TLL1: variants seen among roughly 807,000 people sequenced by gnomAD.
TLL1 encodes tolloid like 1.
TLL1 carries 49 observed loss-of-function variants against 128.2 expected under a neutral mutation model. The ratio of observed to expected loss-of-function variants is 0.38; its 90% CI spans 0.30 to 0.48. The LOEUF (loss-of-function observed/expected upper bound fraction) is 0.48, where lower values mean the gene tolerates loss of function less well. Among genes scored for constraint, TLL1 ranks in the 20% least tolerant of loss-of-function variants. The pLI is 0.96. For missense variants in TLL1, 1,123 were observed against 1,242.0 expected, an observed-to-expected ratio of 0.90 and a Z score of 1.44; for synonymous variants, 454 against 418.8, an observed-to-expected ratio of 1.08 and a Z score of -1.03.
intron 10 of TLL1, among the ~76,000 whole-genome samples, chr4:166,041,370 G>A (rs1739233786): frequency 2.0e-5 from 3 of 148,836 alleles, no homozygotes; most frequent in African/African-American, 7.4e-5. Flanking sequence ...GTGCCATCTC[G>A]GCTCACTGCA....
intron 12 of TLL1, among the ~76,000 whole-genome samples, chr4:166,052,694 C>T (rs903451104): frequency 7.9e-5 from 12 of 152,064 alleles, no homozygotes; most frequent in East Asian, 1.9e-4. Flanking sequence ...CTTTCTCCCC[C>T]TCTTCCAATA....
At chr4:165,954,723 A>G (rs1734694864) in intron 1 of TLL1, among the ~76,000 whole-genome samples, 1 of 152,128 alleles carries the variant, frequency 6.6e-6, no homozygotes, top group East Asian at 1.9e-4. Context: ...AGCACCCAGA[A>G]ACAAAGGTAA....
intron 12 of TLL1, among the ~76,000 whole-genome samples, chr4:166,046,248 G>C (rs1054033422): frequency 3.3e-5 from 5 of 152,164 alleles, no homozygotes; most frequent in Admixed American, 3.3e-4. Flanking sequence ...TTTATTAAAG[G>C]CATGTAAGTT....
intron 19 of TLL1, among the ~76,000 whole-genome samples, chr4:166,098,250 G>A (rs1157704778): frequency 6.8e-6 from 1 of 146,386 alleles, no homozygotes; most frequent in Non-Finnish European, 1.5e-5. Context: ...CAGGAGAATT[G>A]CTTGAATCTG....
intron 12 of TLL1, among the ~76,000 whole-genome samples, chr4:166,053,600 A>G (rs185165398): frequency 9.1e-4 from 138 of 152,240 alleles, no homozygotes; most frequent in African/African-American, 3.2e-3. Flanking sequence ...TCTTTATACT[A>G]CCTCATTTGA....
At position 166,002,141 on chromosome 4, in the gene TLL1, G is replaced by A. The variant is rs1229725287; in HGVS notation, c.633-1250G>A. 2.6e-5 allele frequency among the ~76,000 whole-genome samples: 4 copies of A among 152,244 alleles called. No homozygotes were observed. In the East Asian group the frequency reaches 7.8e-4, roughly 30 times the overall value. ...GCACTGCAGAATTGGTGTCTGGTAA[G>A]GGCCTGCTCTGGTGCATAGACGGAT... On this transcript the variant is annotated intron_variant, in intron 5 of 20. Transcript: ENST00000061240.
In TLL1 at chr4:166,084,075, T is replaced by A. The variant is rs1329588763; in HGVS notation, c.2442+6045T>A. Among the ~76,000 whole-genome samples, 3 of 152,232 alleles carry A rather than the reference T, an allele frequency of 2.0e-5. No homozygotes were observed. The East Asian group carries it at 5.8e-4, about 29-fold the overall frequency. Reference sequence around the variant, plus strand: ...TTATCTTTTGTGTTTATGATAATAGTCATTCTAGCAGGCGTGGGGTGATAT... The same window carrying A: ...TTATCTTTTGTGTTTATGATAATAGACATTCTAGCAGGCGTGGGGTGATAT... On this transcript the variant is annotated intron_variant, in intron 18 of 20. Coordinates refer to ENST00000061240, the MANE Select transcript of TLL1 (RefSeq NM_012464.5).
Position 165,995,120 on chromosome 4 carries a change from A to G in TLL1, c.574A>G (p.Thr192Ala). ...MRHWEKHTCVTFIERSDEESY... is the reference protein window; with the variant it reads ...MRHWEKHTCVAFIERSDEESY... ...GCACTGGGAAAAGCACACATGTGTG[A>G]CTTTCATAGAAAGAAGTGATGAAGA... Residue 192 changes from threonine to alanine, a missense_variant, in exon 5 of 21, where the codon ACT (threonine) becomes GCT (alanine). Thr to Ala is a moderately conservative substitution (Grantham distance 58, BLOSUM62 0). Transcript: ENST00000061240. 6.2e-7 allele frequency: 1 copy of G among 1,614,100 alleles called. No individual in the cohort carries two copies. The highest frequency in any genetic ancestry group is 8.5e-7 in the Non-Finnish European group (1 of 1,179,968).
intron 1 of TLL1, among the ~76,000 whole-genome samples, chr4:165,955,048 T>C (rs1210476484): frequency 6.6e-6 from 1 of 151,920 alleles, no homozygotes; most frequent in Non-Finnish European, 1.5e-5. Flanking sequence ...GATACAGGAG[T>C]TGAAAGACAG....
At chr4:165,963,092 A>G (rs1735198161) in intron 1 of TLL1, among the ~76,000 whole-genome samples, 10 of 149,928 alleles carry the variant, frequency 6.7e-5, no homozygotes. Context: ...TGGTAGCTAA[A>G]CATTAGGTAC....
intron 1 of TLL1, among the ~76,000 whole-genome samples, chr4:165,934,439 T>C (rs1177786871): frequency 6.6e-6 from 1 of 152,180 alleles, no homozygotes; most frequent in African/African-American, 2.4e-5. Flanking sequence ...TTAAACTGAC[T>C]ACATTTATCC....
chr4:166,034,160 A>G (rs764357961), intron 9 of TLL1, among the ~76,000 whole-genome samples: 17 of 152,170 alleles, frequency 1.1e-4, no homozygotes, highest in African/African-American at 4.1e-4. Context: ...TAATGGTTAA[A>G]CTTTGAAAAA....
intron 10 of TLL1, 22 bp downstream of exon 10, chr4:166,039,463 A>G (rs1474680043): frequency 3.2e-6 from 5 of 1,548,866 alleles, no homozygotes; most frequent in Non-Finnish European, 4.5e-6. Flanking sequence ...TTTCCCTTTT[A>G]TGTGGCTATG....
intron 1 of TLL1, among the ~76,000 whole-genome samples, chr4:165,988,247 A>C (rs1380302980): frequency 1.3e-5 from 2 of 151,936 alleles, no homozygotes; most frequent in Non-Finnish European, 2.9e-5. Flanking sequence ...TTATCAATGA[A>C]CTCTCCCATG....
chr4:165,958,979 C>T (rs1579544216), intron 1 of TLL1, among the ~76,000 whole-genome samples: 1 of 132,176 alleles, frequency 7.6e-6, no homozygotes, highest in East Asian at 2.1e-4. Flanking sequence ...ATCCTTTCCC[C>T]GTTGCTTGTT....
chr4:166,090,507 A>G (rs1280053523), intron 18 of TLL1, among the ~76,000 whole-genome samples: 1 of 152,100 alleles, frequency 6.6e-6, no homozygotes, highest in African/African-American at 2.4e-5. Context: ...CAAGATGTCC[A>G]ATATTAAAAT....
chr4:166,048,196 A>T (rs144977634), intron 12 of TLL1, among the ~76,000 whole-genome samples: 2,422 of 148,716 alleles, frequency 0.016, 68 homozygotes, highest in African/African-American at 0.057. Flanking sequence ...GGATCGTGCC[A>T]CTGCACTCTA....
At chr4:165,878,839 G>A (rs905582414) in intron 1 of TLL1, among the ~76,000 whole-genome samples, 4 of 149,790 alleles carry the variant, frequency 2.7e-5, no homozygotes, top group South Asian at 2.1e-4. Context: ...GAAACAGTTC[G>A]TATGTGTAGA....
chr4:165,886,244 G>T (rs980156222), intron 1 of TLL1, among the ~76,000 whole-genome samples: 8 of 152,020 alleles, frequency 5.3e-5, no homozygotes, highest in Non-Finnish European at 8.8e-5. Flanking sequence ...ATATTATCTT[G>T]GTCTACCTAC....
Sources: allele counts gnomAD v4.1 joint callset (sites outside exome capture counted in the v4.1 genomes callset), GRCh38; gene constraint gnomAD v4.1.1; transcripts MANE v1.5; gene names NCBI Gene and HGNC (gene_info 2026-07-23, HGNC 2026-07-21).